APP: variants seen among roughly 807,000 people sequenced by gnomAD.
The protein encoded by APP is amyloid beta precursor protein.
In APP, 31 loss-of-function variants were observed where a neutral mutation model predicts 101.4. That is an observed-to-expected ratio of 0.31 (90% CI 0.23 to 0.41). APP has a LOEUF of 0.41. APP is among the 10% of genes least tolerant of loss of function. The probability of loss-of-function intolerance (pLI) is 1.00; values close to 1 mark genes in which losing one functional copy is unlikely to be tolerated. For missense variants in APP, 839 were observed against 1,003.7 expected (o/e 0.84, Z 2.22); for synonymous variants, 366 against 364.4 (o/e 1.00, Z -0.05).
At chr21:26,090,476 C>T (rs2061800054) in intron 2 of APP, among the ~76,000 whole-genome samples, 1 of 92 alleles carries the variant, frequency 0.011, no homozygotes, top group South Asian at 0.17. Flanking sequence ...AAAAAGATAG[C>T]AAATGAACAA....
At chr21:25,912,183 G>A (rs1601380482) in intron 13 of APP, among the ~76,000 whole-genome samples, 1 of 152,318 alleles carries the variant, frequency 6.6e-6, no homozygotes, top group Non-Finnish European at 1.5e-5. Flanking sequence ...CAGCTCACAA[G>A]AGCTGCTGGC....
rs117911803 is a variant in APP, at chr21:26,005,315, G to T, written c.866-5133C>A. Among the ~76,000 whole-genome samples the T allele has an allele frequency of 4.6e-5, 7 of 152,122 alleles. No individual in the cohort carries two copies. The East Asian group carries it at 1.3e-3, about 29-fold the overall frequency. On this transcript the variant is annotated intron_variant, in intron 6 of 17. Coordinates refer to ENST00000346798, the MANE Select transcript of APP (RefSeq NM_000484.4). ...TATAATCTCACCTACTCGCGAGGCC[G>T]AAGCACTGGAATCACTTGAACCTGG...
intron 13 of APP, among the ~76,000 whole-genome samples, chr21:25,914,013 T>C (rs2039214437): frequency 6.6e-6 from 1 of 152,090 alleles, no homozygotes; most frequent in Admixed American, 6.6e-5. Flanking sequence ...TAGGGCTCCC[T>C]CCTGATCCAT....
At chr21:26,107,628 G>A (rs549262489) in intron 2 of APP, among the ~76,000 whole-genome samples, 3 of 152,128 alleles carry the variant, frequency 2.0e-5, no homozygotes, top group Non-Finnish European at 4.4e-5. Flanking sequence ...TGCCTTCAAT[G>A]CTGCAATTCC....
rs1601302545 is a variant in APP at position 25,893,237 on chromosome 21, C to T, written c.2065-1369G>A. On this transcript the variant is annotated intron_variant, in intron 16 of 17. Coordinates refer to ENST00000346798, the MANE Select transcript of APP (RefSeq NM_000484.4). ...TGTCTGCCCCCCAAACTGGCCACTC[C>T]ACCCCCTCAACTCCCAGGCTCCCTA... Among the ~76,000 whole-genome samples, 3 of 152,122 alleles carry T rather than the reference C, an allele frequency of 2.0e-5. No homozygotes were observed. The East Asian group carries it at 5.8e-4, about 29-fold the overall frequency.
At chr21:26,069,960 G>GGC (rs1293851705) in intron 3 of APP, among the ~76,000 whole-genome samples, 1 of 152,094 alleles carries the variant, frequency 6.6e-6, no homozygotes, top group African/African-American at 2.4e-5. Flanking sequence ...ACTTGAAACT[G>GGC]GCACCACCTT....
intron 5 of APP, among the ~76,000 whole-genome samples, chr21:26,045,369 C>T (rs908101894): frequency 1.3e-5 from 2 of 152,062 alleles, no homozygotes; most frequent in African/African-American, 2.4e-5. Flanking sequence ...ATTTCAGGTT[C>T]GTGCATGGCA....
At chr21:26,094,412 C>CAACGA (rs1601443299) in intron 2 of APP, among the ~76,000 whole-genome samples, 1 of 151,656 alleles carries the variant, frequency 6.6e-6, no homozygotes, top group East Asian at 1.9e-4. Context: ...AGAAAGCAAA[C>CAACGA]AACGAAACAA....
intron 8 of APP, 116 bp downstream of exon 8, chr21:25,997,243 TA>T: frequency 1.0e-6 from 1 of 1,004,464 alleles, no homozygotes; most frequent in Non-Finnish European, 1.6e-6. Context: ...AACATTTTAC[TA>T]AGACAGGTGT....
chr21:25,912,079 G>A (rs957208089), intron 13 of APP, 117 bp from the exon 14 acceptor site: 7 of 784,192 alleles, frequency 8.9e-6, no homozygotes, highest in African/African-American at 6.8e-5. Flanking sequence ...GTGCATGATC[G>A]CGTTTAGAGC....
At chr21:26,127,569 C>G (rs1464123289) in intron 1 of APP, among the ~76,000 whole-genome samples, 1 of 152,146 alleles carries the variant, frequency 6.6e-6, no homozygotes, top group Non-Finnish European at 1.5e-5. Flanking sequence ...CTCTAGAGAC[C>G]TCAGGGGACT....
Position 26,118,303 on chromosome 21 carries a change from A to G in APP, c.58-6157T>C, listed in dbSNP as rs1239795564. The stretch of plus-strand genomic sequence containing the variant: ...GCTAGGACTGATATAAATGAATATA[A>G]AAGTGGAATTACAAAAAATAGAGCC... On this transcript the variant is annotated intron_variant, in intron 1 of 17. Coordinates refer to ENST00000346798, the MANE Select transcript of APP (RefSeq NM_000484.4). Among the ~76,000 whole-genome samples, 5 of 152,214 alleles carry G rather than the reference A, an allele frequency of 3.3e-5. No homozygotes were observed. In the East Asian group the frequency reaches 7.7e-4, roughly 23 times the overall value.
intron 5 of APP, among the ~76,000 whole-genome samples, chr21:26,048,947 G>A (rs756456013): frequency 1.4e-4 from 21 of 152,298 alleles, no homozygotes; most frequent in Middle Eastern, 3.4e-3. Context: ...GAAAGAAAAG[G>A]TCAATGGTTT....
At position 25,966,385 on chromosome 21, in the gene APP, G is replaced by A. The variant is rs150981334; in HGVS notation, c.1458+8685C>T. ...ATACAGAACTCAACTAAAAATAAAC[G>A]GATGGTGAACAAATAAATAATAAAT... On this transcript the variant is annotated intron_variant, in intron 11 of 17. Transcript: ENST00000346798. Among the ~76,000 whole-genome samples the A allele has an allele frequency of 6.9e-3, 1,054 of 152,156 alleles. 8 individuals are homozygous for A. Among genetic ancestry groups the A allele is most frequent in the Non-Finnish European group, 0.011 (743 of 68,006 alleles).
intron 13 of APP, among the ~76,000 whole-genome samples, chr21:25,914,180 A>C (rs528871347): frequency 6.6e-6 from 1 of 152,054 alleles, no homozygotes; most frequent in East Asian, 1.9e-4. Flanking sequence ...TCCAGTACTC[A>C]CACTACCGAC....
intron 1 of APP, among the ~76,000 whole-genome samples, chr21:26,158,859 T>C (rs1173007481): frequency 1.3e-5 from 2 of 152,160 alleles, no homozygotes; most frequent in African/African-American, 4.8e-5. Flanking sequence ...GTACCTCCTC[T>C]ATTATAGCCT....
chr21:25,883,543 T>C (rs772837376), intron 17 of APP, among the ~76,000 whole-genome samples: 4 of 151,298 alleles, frequency 2.6e-5, no homozygotes, highest in Non-Finnish European at 4.4e-5. Context: ...TACAAAAAAA[T>C]TTAGCCAGGC....
At chr21:25,885,721 C>T (rs1161277634) in intron 17 of APP, among the ~76,000 whole-genome samples, 1 of 152,180 alleles carries the variant, frequency 6.6e-6, no homozygotes, top group East Asian at 1.9e-4. Flanking sequence ...ATAGCCTGAC[C>T]AGCCTTGTTC....
At chr21:26,075,502 A>T (rs1307602714) in intron 3 of APP, among the ~76,000 whole-genome samples, 1 of 152,206 alleles carries the variant, frequency 6.6e-6, no homozygotes, top group African/African-American at 2.4e-5. Flanking sequence ...ACTACAGGCT[A>T]TGAAAGTATT....
Sources: allele counts gnomAD v4.1 joint callset (sites outside exome capture counted in the v4.1 genomes callset), GRCh38; gene constraint gnomAD v4.1.1; transcripts MANE v1.5; gene names NCBI Gene and HGNC (gene_info 2026-07-23, HGNC 2026-07-21).